GRIP1: variants seen among roughly 807,000 people sequenced by gnomAD.
GRIP1 encodes glutamate receptor interacting protein 1, also known as glutamate receptor-interacting protein 1.
GRIP1 carries 45 observed loss-of-function variants against 129.9 expected under a neutral mutation model. The observed-to-expected ratio is 0.35, with a 90% confidence interval of 0.27 to 0.44. The LOEUF is 0.44. Ranked by LOEUF, GRIP1 falls within the 20% of genes least tolerant of loss-of-function variation. GRIP1 has a pLI of 1.00. For missense variants in GRIP1, 1,196 were observed against 1,396.8 expected (o/e 0.86, Z 2.29); for synonymous variants, 530 against 520.8 (o/e 1.02, Z -0.24).
intron 1 of GRIP1, among the ~76,000 whole-genome samples, chr12:66,601,686 A>T (rs1386341422): frequency 1.3e-5 from 2 of 152,220 alleles, no homozygotes; most frequent in African/African-American, 4.8e-5. Context: ...CATTTGGTGC[A>T]GTTAAACATT....
intron 7 of GRIP1, among the ~76,000 whole-genome samples, chr12:66,483,882 C>A (rs1382446912): frequency 6.7e-6 from 1 of 150,114 alleles, no homozygotes; most frequent in Non-Finnish European, 1.5e-5. Context: ...TTTTTTGAGA[C>A]GGAGTCTCGC....
chr12:66,579,918 T>C (rs964281484), intron 2 of GRIP1, among the ~76,000 whole-genome samples: 16 of 148,870 alleles, frequency 1.1e-4, no homozygotes, highest in South Asian at 8.7e-4. Flanking sequence ...ACCACAAAGA[T>C]ACTCCTCGAG....
At chr12:66,566,157 T>C (rs1021652940) in intron 2 of GRIP1, among the ~76,000 whole-genome samples, 2 of 152,212 alleles carry the variant, frequency 1.3e-5, no homozygotes, top group African/African-American at 2.4e-5. Flanking sequence ...TCCAACACTA[T>C]GTTGAACAGG....
intron 1 of GRIP1, among the ~76,000 whole-genome samples, chr12:66,997,938 T>C (rs1005700612): frequency 2.0e-5 from 3 of 152,164 alleles, no homozygotes; most frequent in African/African-American, 4.8e-5. Flanking sequence ...TTGATTTTCA[T>C]GTGTTCAAAA....
chr12:66,854,177 A>C (rs1033081360), intron 1 of GRIP1, among the ~76,000 whole-genome samples: 1 of 152,046 alleles, frequency 6.6e-6, no homozygotes, highest in Admixed American at 6.6e-5. Flanking sequence ...GACTGTATCA[A>C]AATGAAAACG....
chr12:67,016,468 A>G (rs192192389), intron 1 of GRIP1, among the ~76,000 whole-genome samples: 2 of 152,306 alleles, frequency 1.3e-5, no homozygotes, highest in East Asian at 3.9e-4. Context: ...AAACCCTTGG[A>G]CTGAGTAGGT....
chr12:66,892,500 C>T (rs773228351), intron 1 of GRIP1, among the ~76,000 whole-genome samples: 57 of 152,172 alleles, frequency 3.7e-4, no homozygotes, highest in Non-Finnish European at 7.1e-4. Flanking sequence ...AACCATAGTA[C>T]ATCACACAGC....
chr12:66,585,204 A>C (rs2063577473), intron 2 of GRIP1, among the ~76,000 whole-genome samples: 2 of 141,578 alleles, frequency 1.4e-5, no homozygotes, highest in Admixed American at 7.1e-5. Context: ...TGCACCCACT[A>C]ACTCGTCATC....
Position 66,387,786 on chromosome 12 carries a change from GA to G in GRIP1, c.2464+4521del, listed in dbSNP as rs540087245. 5.2e-4 allele frequency among the ~76,000 whole-genome samples: 79 copies of G among 152,238 alleles called. No homozygotes were observed. The Middle Eastern group carries it at 0.014, about 26-fold the overall frequency. On this transcript the variant is annotated intron_variant, in intron 19 of 24. Transcript: ENST00000359742. ...AGCTTGTAGAGATCAGAAGAGAAAC[GA>G]AAGAGAAAAATAAAATCCTGCTAAT...
At chr12:66,583,908 G>C (rs1480546402) in intron 2 of GRIP1, among the ~76,000 whole-genome samples, 1 of 136,776 alleles carries the variant, frequency 7.3e-6, no homozygotes, top group Non-Finnish European at 1.6e-5. Context: ...CCATTACTGG[G>C]TATATACCCA....
At chr12:66,546,845 T>C (rs1026165341) in intron 2 of GRIP1, among the ~76,000 whole-genome samples, 1 of 142,308 alleles carries the variant, frequency 7.0e-6, no homozygotes, top group African/African-American at 2.7e-5. Flanking sequence ...AAGATCTAGG[T>C]TTAGCGAAGG....
rs1049563945 is a variant in GRIP1 at position 66,596,896 on chromosome 12, C to T, written c.87G>A (p.Gln29=). 6.2e-7 allele frequency: 1 copy of T among 1,613,668 alleles called. No individual in the cohort carries two copies. Among genetic ancestry groups the T allele is most frequent in the Non-Finnish European group, 8.5e-7 (1 of 1,179,576 alleles). ...CCAACGCTCCATCAGGCGGCTTTGT[C>T]TGGCTGGCGGATTTAGTGTAGGGAC... ...DESPYTKSAS[Q]TKPPDGALAV... Residue 29 remains glutamine, a synonymous_variant, in exon 2 of 25, where the codon CAG becomes CAA. Transcript: ENST00000359742.
intron 1 of GRIP1, among the ~76,000 whole-genome samples, chr12:66,906,293 G>A (rs1477235052): frequency 6.6e-6 from 1 of 151,920 alleles, no homozygotes; most frequent in Non-Finnish European, 1.5e-5. Context: ...AAATTAGCTG[G>A]GCATGGTGGA....
At chr12:66,896,504 G>A (rs1332528496) in intron 1 of GRIP1, among the ~76,000 whole-genome samples, 5 of 101,828 alleles carry the variant, frequency 4.9e-5, no homozygotes, top group African/African-American at 8.7e-5. Flanking sequence ...AAACTTTGGT[G>A]GGCCTGAATG....
At position 66,979,222 on chromosome 12, in the gene GRIP1, T is replaced by TAAAAAAAAAAAAA. The variant is rs35306665; in HGVS notation, c.58+89815_58+89827dup. Among the ~76,000 whole-genome samples, 84 of 41,444 alleles carry TAAAAAAAAAAAAA rather than the reference T, an allele frequency of 2.0e-3. 11 individuals are homozygous for TAAAAAAAAAAAAA. The highest frequency in any genetic ancestry group is 4.4e-3 in the African/African-American group (58 of 13,314). The allele number at this position is 41,444 out of a possible 152,430, so 27.2% of individuals were successfully genotyped here. A position where few individuals can be genotyped will look rare whatever the true frequency, so the allele number is the denominator to read the frequency against. On this transcript the variant is annotated intron_variant, in intron 1 of 1. Coordinates refer to the GRIP1 transcript ENST00000643019. ...CCCCAAGCCACAAAACTTCTCTTCT[T>TAAAAAAAAAAAAA]AAAAAAAAAAAAAAAAAAAAAAAAA...
chr12:66,390,274 C>T (rs78997027), intron 19 of GRIP1, among the ~76,000 whole-genome samples: 5,416 of 152,216 alleles, frequency 0.036, 256 homozygotes, highest in Admixed American at 0.096. Flanking sequence ...CCATGTTCGT[C>T]ACAAGAATTA....
intron 1 of GRIP1, among the ~76,000 whole-genome samples, chr12:66,620,683 TTTTC>T (rs923053229): frequency 7.9e-5 from 12 of 152,074 alleles, no homozygotes; most frequent in African/African-American, 2.2e-4. Context: ...TTTTTTTTCT[TTTTC>T]TTTATTTCTC....
intron 1 of GRIP1, among the ~76,000 whole-genome samples, chr12:66,700,378 C>T (rs2035308632): frequency 6.7e-6 from 1 of 150,000 alleles, no homozygotes; most frequent in Admixed American, 6.6e-5. Context: ...CATAGAGTGG[C>T]ATGTTAGAGA....
chr12:66,780,461 G>A lies in GRIP1; in HGVS notation c.-420+23592C>T, dbSNP rs117333272. Among the ~76,000 whole-genome samples the A allele has an allele frequency of 5.3e-5, 8 of 152,320 alleles. No homozygotes were observed. The East Asian group carries it at 1.2e-3, about 22-fold the overall frequency. ...CCTGTGAACTCTTGAATCTGACCAG[G>A]TGGGCTCCCTTCCAGGACAGGACCC... On this transcript the variant is annotated intron_variant, in intron 1 of 4. Coordinates refer to the GRIP1 transcript ENST00000538373.
Sources: gnomAD v4.1 joint callset for allele counts (sites outside exome capture counted in the v4.1 genomes callset) on GRCh38, gnomAD v4.1.1 for gene constraint, MANE v1.5 for transcripts, NCBI Gene and HGNC (gene_info 2026-07-23, HGNC 2026-07-21) for gene names.